GALNTL6: variants seen among roughly 807,000 people sequenced by gnomAD.
The protein encoded by GALNTL6 is polypeptide N-acetylgalactosaminyltransferase like 6, also known as polypeptide N-acetylgalactosaminyltransferase-like 6.
Under a neutral mutation model 73.7 loss-of-function variants are expected in GALNTL6, and 46 were observed. The observed-to-expected ratio is 0.62, with a 90% CI of 0.49 to 0.80. The LOEUF is 0.80. GALNTL6 is among the 30% of genes least tolerant of loss of function. GALNTL6 has a pLI of 0.00. For synonymous variants in GALNTL6, 259 were observed against 263.7 expected, an observed-to-expected ratio of 0.98 and a Z score of 0.17; for missense variants, 604 against 755.0, an observed-to-expected ratio of 0.80 and a Z score of 2.34.
chr4:172,093,290 C>T (rs1732257519), intron 2 of GALNTL6, among the ~76,000 whole-genome samples: 1 of 152,042 alleles, frequency 6.6e-6, no homozygotes, highest in Non-Finnish European at 1.5e-5. Context: ...AATTCTTTTT[C>T]CCCCTACTGC....
At chr4:172,817,316 A>G (rs1487988964) in intron 7 of GALNTL6, among the ~76,000 whole-genome samples, 2 of 152,136 alleles carry the variant, frequency 1.3e-5, no homozygotes, top group Admixed American at 6.5e-5. Flanking sequence ...CTGTAGTCCC[A>G]GCTACTTGGG....
chr4:172,677,418 G>A (rs1732367327), intron 5 of GALNTL6, among the ~76,000 whole-genome samples: 1 of 152,120 alleles, frequency 6.6e-6, no homozygotes. Flanking sequence ...GGGAGAGGGG[G>A]AGAAATGCCT....
chr4:172,809,550 A>G lies in GALNTL6; in HGVS notation c.739+4A>G. ...AACTGGCTGCCCCCACTCCTCAGTG[A>G]GTACAGGTTGCTAAGCACCATCCTG... On this transcript the variant is annotated splice_donor_region_variant and intron_variant, in intron 6 of 12. Transcript: ENST00000506823. This position sits in a 1 kb window ranked among gnomAD's most constrained non-coding sequence, Gnocchi z 4.4. 3 of 1,606,442 alleles carry G rather than the reference A, an allele frequency of 1.9e-6. No individual in the cohort carries two copies. Among genetic ancestry groups the G allele is most frequent in the African/African-American group, 1.3e-5 (1 of 74,760 alleles).
chr4:171,867,517 T>G (rs1736001424), intron 2 of GALNTL6, among the ~76,000 whole-genome samples: 1 of 152,202 alleles, frequency 6.6e-6, no homozygotes, highest in Admixed American at 6.5e-5. Flanking sequence ...TAACTCAAAT[T>G]TACCACTTGT....
intron 8 of GALNTL6, among the ~76,000 whole-genome samples, chr4:172,894,475 G>A (rs1746215828): frequency 6.6e-6 from 1 of 152,000 alleles, no homozygotes; most frequent in Non-Finnish European, 1.5e-5. Flanking sequence ...AGGGCATATT[G>A]TTTCCATGTA....
intron 5 of GALNTL6, among the ~76,000 whole-genome samples, chr4:172,368,702 G>T (rs543579451): frequency 6.6e-6 from 1 of 151,880 alleles, no homozygotes; most frequent in African/African-American, 2.4e-5. Context: ...GCCGGAGTTT[G>T]TTCCTTCAGA....
At chr4:172,308,540 AG>A (rs1475294370) in intron 3 of GALNTL6, among the ~76,000 whole-genome samples, 7 of 152,250 alleles carry the variant, frequency 4.6e-5, no homozygotes, top group Non-Finnish European at 8.8e-5. Context: ...TTCATCATAA[AG>A]GGATGCTGGA....
chr4:172,162,096 T>A (rs1290566490), intron 2 of GALNTL6, among the ~76,000 whole-genome samples: 1 of 151,968 alleles, frequency 6.6e-6, no homozygotes, highest in Admixed American at 6.6e-5. Context: ...ACGAACATAT[T>A]TGTAACTCTA....
At chr4:172,691,652 C>T (rs913432399) in intron 5 of GALNTL6, among the ~76,000 whole-genome samples, 2 of 152,154 alleles carry the variant, frequency 1.3e-5, no homozygotes, top group Non-Finnish European at 2.9e-5. Flanking sequence ...TGCCCCTAGG[C>T]TTGACCAAGA....
chr4:172,573,472 AT>A (rs1736841589), intron 5 of GALNTL6, among the ~76,000 whole-genome samples: 1 of 152,178 alleles, frequency 6.6e-6, no homozygotes, highest in African/African-American at 2.4e-5. Flanking sequence ...ACAGACAGAA[AT>A]TTCTCTGAAT....
chr4:172,772,193 C>A (rs1379257483), intron 5 of GALNTL6, among the ~76,000 whole-genome samples: 1 of 152,182 alleles, frequency 6.6e-6, no homozygotes, highest in Non-Finnish European at 1.5e-5. Context: ...CCATCGGGTC[C>A]CTCCCACAAC....
chr4:172,678,462 C>A lies in GALNTL6; in HGVS notation c.554-130899C>A, dbSNP rs186862708. ...CCTGGTTCAAGCAATTCTCTTGCCT[C>A]AGCCTCCCAGGTAGCTGGGATTACA... On this transcript the variant is annotated intron_variant, in intron 5 of 12. Coordinates refer to ENST00000506823, the MANE Select transcript of GALNTL6 (RefSeq NM_001034845.3). Among the ~76,000 whole-genome samples the A allele has an allele frequency of 1.9e-3, 286 of 152,212 alleles. 2 individuals are homozygous for A. The highest frequency in any genetic ancestry group is 6.6e-3 in the African/African-American group (276 of 41,536).
intron 2 of GALNTL6, among the ~76,000 whole-genome samples, chr4:172,070,155 G>A (rs115276607): frequency 0.014 from 1,508 of 109,340 alleles, 485 homozygotes; most frequent in African/African-American, 0.048. Flanking sequence ...CATTCTGGCT[G>A]GAACAAAAAG....
chr4:172,091,626 C>T (rs1732204752), intron 2 of GALNTL6, among the ~76,000 whole-genome samples: 1 of 152,078 alleles, frequency 6.6e-6, no homozygotes, highest in Non-Finnish European at 1.5e-5. Context: ...GTAAAATAAC[C>T]AGTGTTTTCA....
intron 2 of GALNTL6, among the ~76,000 whole-genome samples, chr4:172,138,490 TATATATATATATATATATATA>T (rs1733701058): frequency 6.1e-4 from 4 of 6,580 alleles, no homozygotes; most frequent in African/African-American, 1.5e-3. Flanking sequence ...TATATATATA[TATATATATATATATATATATA>T]TATTTTTTTT....
rs1244308231 is a variant in GALNTL6 at position 172,139,939 on chromosome 4, T to C, written c.139-89717T>C. On this transcript the variant is annotated intron_variant, in intron 2 of 12. Coordinates refer to ENST00000506823, the MANE Select transcript of GALNTL6 (RefSeq NM_001034845.3). ...TCCTATCAAGTTTTCTTAAAATGTG[T>C]ATATTGTACTCCATATATATTAGGT... 1.3e-5 allele frequency among the ~76,000 whole-genome samples: 2 copies of C among 152,124 alleles called. 1 individual carries two copies. Among genetic ancestry groups the C allele is most frequent in the Non-Finnish European group, 2.9e-5 (2 of 67,962 alleles).
At chr4:171,945,909 T>C (rs555814322) in intron 2 of GALNTL6, among the ~76,000 whole-genome samples, 145 of 152,242 alleles carry the variant, frequency 9.5e-4, no homozygotes, top group African/African-American at 3.4e-3. Context: ...TGGATATGAA[T>C]CTTGAGGCAA....
intron 6 of GALNTL6, among the ~76,000 whole-genome samples, chr4:172,810,251 G>A (rs1348429945): frequency 6.6e-6 from 1 of 152,126 alleles, no homozygotes; most frequent in Admixed American, 6.5e-5. Flanking sequence ...AAACACGAAA[G>A]AACTGAAAGT....
At chr4:171,914,253 C>T (rs537035764) in intron 2 of GALNTL6, among the ~76,000 whole-genome samples, 1 of 152,110 alleles carries the variant, frequency 6.6e-6, no homozygotes, top group African/African-American at 2.4e-5. Context: ...TACTAACTAC[C>T]TGTGAAATAT....
Sources: gnomAD v4.1 joint callset for allele counts (sites outside exome capture counted in the v4.1 genomes callset) on GRCh38, gnomAD v4.1.1 for gene constraint, Gnocchi (gnomAD v3.1) non-coding constraint, MANE v1.5 for transcripts, NCBI Gene and HGNC (gene_info 2026-07-23, HGNC 2026-07-21) for gene names.